SLC43A2: variants seen among roughly 807,000 people sequenced by gnomAD.
The protein encoded by SLC43A2 is solute carrier family 43 member 2, also known as large neutral amino acids transporter small subunit 4.
In SLC43A2, 38 loss-of-function variants were observed where a neutral mutation model predicts 63.2. The ratio of observed to expected loss-of-function variants is 0.60; its 90% CI spans 0.46 to 0.79. The LOEUF (loss-of-function observed/expected upper bound fraction) is 0.79, where lower values mean the gene tolerates loss of function less well. SLC43A2 is among the 30% of genes least tolerant of loss of function. The pLI, the probability that SLC43A2 is intolerant of heterozygous loss-of-function variation, is 0.00. For missense variants in SLC43A2, 644 were observed against 756.2 expected, an observed-to-expected ratio of 0.85 and a Z score of 1.74; for synonymous variants, 322 against 331.0, an observed-to-expected ratio of 0.97 and a Z score of 0.30.
At chr17:1,591,043 G>T in intron 8 of SLC43A2, 95 bp from the exon 9 acceptor site, 1 of 1,406,470 alleles carries the variant, frequency 7.1e-7, no homozygotes, top group Non-Finnish European at 9.7e-7. Context: ...CCAGGAGGGG[G>T]CCCTCGGGAC....
chr17:1,621,733 G>C (rs964697353), intron 2 of SLC43A2, among the ~76,000 whole-genome samples: 1 of 152,224 alleles, frequency 6.6e-6, no homozygotes, highest in African/African-American at 2.4e-5. Context: ...CTCAGAGCAG[G>C]TAAGTCACTT....
intron 9 of SLC43A2, among the ~76,000 whole-genome samples, chr17:1,588,374 G>A (rs1432187614): frequency 3.3e-5 from 5 of 150,420 alleles, no homozygotes; most frequent in East Asian, 2.0e-4. Context: ...TGACAAGAGC[G>A]AAAATCCATG....
chr17:1,575,457 G>A lies in SLC43A2; in HGVS notation c.*147C>T, dbSNP rs1041929785. 3 of 1,030,568 alleles carry A rather than the reference G, an allele frequency of 2.9e-6. No individual in the cohort carries two copies. Among genetic ancestry groups the A allele is most frequent in the African/African-American group, 3.2e-5 (2 of 62,924 alleles). 63.8% of individuals were successfully genotyped at this position (1,030,568 alleles called of 1,614,324 possible). On this transcript the variant is annotated 3_prime_UTR_variant, in exon 14 of 14. Coordinates refer to ENST00000301335, the MANE Select transcript of SLC43A2 (RefSeq NM_152346.3). ...CCCTCTCCCGTCCTTCCACCACAGA[G>A]CTCCGAGGCAGGGCCCCGGGAGGGA... is the stretch of plus-strand genomic sequence containing the variant.
At chr17:1,591,209 T>A in intron 8 of SLC43A2, 60 bp downstream of exon 8, 1 of 1,574,008 alleles carries the variant, frequency 6.4e-7, no homozygotes, top group Non-Finnish European at 8.6e-7. Context: ...GGGAATGGGG[T>A]GAGCCGATAC....
In SLC43A2 at chr17:1,613,255, G is replaced by A. The variant is rs1457945831; in HGVS notation, c.441C>T (p.Ile147=). ...AGCCATTCAGAGCCAGGGCGATGAA[G>A]ATGAGCACGGAGAGAGCTGCAGGGA... ...ASKPNALSVL[I]FIALALNGFG... Residue 147 remains isoleucine (I), a synonymous_variant, in exon 5 of 14, where the codon ATC becomes ATT. Coordinates refer to ENST00000301335, the MANE Select transcript of SLC43A2 (RefSeq NM_152346.3). The A allele has an allele frequency of 1.5e-5, 24 of 1,614,128 alleles. No homozygotes were observed. The highest frequency in any genetic ancestry group is 2.0e-5 in the Non-Finnish European group (24 of 1,180,024).
chr17:1,579,781 G>A (rs545293177), intron 11 of SLC43A2, among the ~76,000 whole-genome samples: 6 of 152,178 alleles, frequency 3.9e-5, no homozygotes, highest in African/African-American at 1.4e-4. Context: ...AGGCTGCAGT[G>A]AGCCAAGATC....
chr17:1,602,326 T>C (rs1038193371), intron 5 of SLC43A2, among the ~76,000 whole-genome samples: 2 of 152,120 alleles, frequency 1.3e-5, no homozygotes, highest in Non-Finnish European at 2.9e-5. Flanking sequence ...ATATTGATTT[T>C]GTGAAGGCTC....
chr17:1,591,734 AG>A (rs780559673), intron 6 of SLC43A2, 35 bp from the exon 7 acceptor site: 7,010 of 292,718 alleles, frequency 0.024, 206 homozygotes, highest in African/African-American at 0.09. Context: ...TGGGGGGGGG[AG>A]GGGGCAGAGT....
intron 9 of SLC43A2, chr17:1,586,930 C>CTGG: frequency 8.9e-6 from 7 of 783,146 alleles, no homozygotes; most frequent in Non-Finnish European, 1.4e-5. Flanking sequence ...CCTGACAATC[C>CTGG]CCCCCACCCC....
intron 5 of SLC43A2, among the ~76,000 whole-genome samples, chr17:1,610,448 T>C (rs868806809): frequency 5.5e-5 from 8 of 144,762 alleles, no homozygotes; most frequent in South Asian, 2.2e-4. Flanking sequence ...AAAAAAAAAA[T>C]TGGAGAGACA....
At chr17:1,616,333 C>T (rs1907659477) in intron 3 of SLC43A2, 1 of 554,002 alleles carries the variant, frequency 1.8e-6, no homozygotes, top group Non-Finnish European at 3.2e-6. Flanking sequence ...AGCTCCGGTC[C>T]CTGGGCGGCC....
At chr17:1,594,269 C>G (rs1905077469) in intron 5 of SLC43A2, among the ~76,000 whole-genome samples, 1 of 152,190 alleles carries the variant, frequency 6.6e-6, no homozygotes, top group African/African-American at 2.4e-5. Flanking sequence ...CTCACATCAG[C>G]TCATTCTGGG....
chr17:1,628,753 G>A, intron 1 of SLC43A2, 41 bp downstream of exon 1: 1 of 151,232 alleles, frequency 6.6e-6, no homozygotes, highest in East Asian at 2.0e-4. Flanking sequence ...CTGCCCCCGC[G>A]CCCTCGCCCC....
rs962025663 is a variant in SLC43A2, at chr17:1,591,705, A to G, written c.595-6T>C. ...ACACCAGCATCATAGATGAGCTGAC[A>G]GGCACCGCGGGGACGGGGTGGGGGG... On this transcript the variant is annotated splice_region_variant and splice_polypyrimidine_tract_variant and intron_variant, in intron 6 of 13. Transcript: ENST00000301335. The G allele has an allele frequency of 6.7e-5, 34 of 507,096 alleles. No homozygotes were observed. Among genetic ancestry groups the G allele is most frequent in the Non-Finnish European group, 1.1e-4 (33 of 299,294 alleles). 31.4% of individuals were successfully genotyped at this position (507,096 alleles called of 1,614,324 possible).
intron 5 of SLC43A2, chr17:1,604,995 G>A (rs139144749): frequency 4.0e-5 from 58 of 1,440,386 alleles, no homozygotes; most frequent in South Asian, 3.8e-4. Flanking sequence ...GAGGGCTGGC[G>A]GAGGGGAAGG....
intron 5 of SLC43A2, chr17:1,604,966 G>A: frequency 6.8e-7 from 1 of 1,467,340 alleles, no homozygotes; most frequent in Non-Finnish European, 9.0e-7. Flanking sequence ...GCTGAGCAGA[G>A]CGCCCTAGCG....
chr17:1,592,368 A>G (rs1010541452), intron 6 of SLC43A2, among the ~76,000 whole-genome samples: 1 of 152,226 alleles, frequency 6.6e-6, no homozygotes, highest in Non-Finnish European at 1.5e-5. Context: ...TGGAGGTTGC[A>G]GTGAGCCGAG....
At chr17:1,600,152 A>ATATATATTTTTTTTTTT (rs1216616243) in intron 5 of SLC43A2, among the ~76,000 whole-genome samples, 1 of 60,272 alleles carries the variant, frequency 1.7e-5, no homozygotes, top group East Asian at 7.0e-4. Context: ...ATATATATAT[A>ATATATATTTTTTTTTTT]TTTTTTTTTT....
Position 1,627,718 on chromosome 17 carries a change from G to A in SLC43A2, c.157C>T (p.Pro53Ser). The A allele has an allele frequency of 1.3e-6, 2 of 1,557,630 alleles. No homozygotes were observed. The highest frequency in any genetic ancestry group is 1.9e-5 in the Admixed American group (1 of 52,880). Residue 53 changes from proline (P) to serine (S), a missense_variant, in exon 2 of 14, where the codon CCA (proline) becomes TCA (serine). Pro to Ser is a moderately conservative substitution (Grantham distance 74). This residue lies in a region of SLC43A2 where 528 missense variants were observed against 623.6 expected (regional missense o/e 0.85). Coordinates refer to ENST00000301335, the MANE Select transcript of SLC43A2 (RefSeq NM_152346.3). ...CAACCCCAGGCGCTTGTCTCACCTG[G>A]CTCGGTACACAGGTAGGAGTAAAAG... ...EGFYSYLCTEPENVTNGTVGG... is the reference protein window; with the variant it reads ...EGFYSYLCTESENVTNGTVGG...
Sources: allele counts gnomAD v4.1 joint callset (sites outside exome capture counted in the v4.1 genomes callset), GRCh38; gene constraint gnomAD v4.1.1; regional missense constraint gnomAD v4.1.1; transcripts MANE v1.5; gene names NCBI Gene and HGNC (gene_info 2026-07-23, HGNC 2026-07-21).